Variants in TRABD2B observed in about 807,000 individuals in gnomAD.
TRABD2B encodes TraB domain containing 2B.
In TRABD2B, 14 loss-of-function variants were observed where a neutral mutation model predicts 40.1. That is an observed-to-expected ratio of 0.35 (90% CI 0.23 to 0.55). The LOEUF is 0.55. TRABD2B is among the 20% of genes least tolerant of loss of function. The probability of loss-of-function intolerance (pLI) is 0.90; values close to 1 mark genes in which losing one functional copy is unlikely to be tolerated. For missense variants in TRABD2B, 541 were observed against 648.6 expected (o/e 0.83, Z 1.80); for synonymous variants, 263 against 277.0 (o/e 0.95, Z 0.50).
At chr1:47,988,548 C>G (rs911100755) in intron 2 of TRABD2B, among the ~76,000 whole-genome samples, 1 of 152,122 alleles carries the variant, frequency 6.6e-6, no homozygotes, top group Non-Finnish European at 1.5e-5. Context: ...CAGGCTGGGG[C>G]TCTCCTGTCT....
At chr1:47,894,564 G>A (rs1644491950) in intron 2 of TRABD2B, among the ~76,000 whole-genome samples, 1 of 152,176 alleles carries the variant, frequency 6.6e-6, no homozygotes, top group Non-Finnish European at 1.5e-5. Flanking sequence ...AATGGGACCA[G>A]GGTGTGCTAT....
At chr1:47,924,941 GCAGCGCTTGGCT>G (rs1434231315) in intron 2 of TRABD2B, among the ~76,000 whole-genome samples, 6 of 152,198 alleles carry the variant, frequency 3.9e-5, no homozygotes, top group African/African-American at 1.4e-4. Flanking sequence ...GCAACCAGAG[GCAGCGCTTGGCT>G]CAGTGTGGGG....
chr1:47,830,113 C>T lies in TRABD2B; in HGVS notation c.667-28494G>A, dbSNP rs550274186. ...GTCAGAAGTGCTCCTGTGCTCTTGA[C>T]TCTCCATCTGCTCTTCTGGGGTCTT... is the stretch of plus-strand genomic sequence containing the variant. On this transcript the variant is annotated intron_variant, in intron 2 of 6. Coordinates refer to ENST00000606738, the MANE Select transcript of TRABD2B (RefSeq NM_001194986.2). 3.3e-5 allele frequency among the ~76,000 whole-genome samples: 5 copies of T among 152,306 alleles called. No homozygotes were observed. In the East Asian group the frequency reaches 9.7e-4, roughly 29 times the overall value.
intron 2 of TRABD2B, among the ~76,000 whole-genome samples, chr1:47,955,902 C>T (rs2148394093): frequency 6.6e-6 from 1 of 152,304 alleles, no homozygotes; most frequent in African/African-American, 2.4e-5. Flanking sequence ...CTGCAAGGAA[C>T]TCTAAGCAGC....
intron 2 of TRABD2B, among the ~76,000 whole-genome samples, chr1:47,935,299 A>G (rs1226879796): frequency 1.3e-5 from 2 of 152,336 alleles, no homozygotes; most frequent in Non-Finnish European, 1.5e-5. Context: ...GGAGTTGCTT[A>G]AGGTCAAACA....
chr1:47,845,445 C>T (rs1645456260), intron 2 of TRABD2B, among the ~76,000 whole-genome samples: 1 of 152,184 alleles, frequency 6.6e-6, no homozygotes, highest in Admixed American at 6.5e-5. Flanking sequence ...TCAAAACAAT[C>T]TATGCTACAG....
chr1:47,792,333 C>T lies in TRABD2B; in HGVS notation c.988+2253G>A, dbSNP rs140099888. Reference sequence around the variant, plus strand: ...AGCCTATTACATGCTACCAAAGACACAGCGATGATTAAGTGGTGCCCCACC... The same window carrying T: ...AGCCTATTACATGCTACCAAAGACATAGCGATGATTAAGTGGTGCCCCACC... On this transcript the variant is annotated intron_variant, in intron 4 of 6. Coordinates refer to ENST00000606738, the MANE Select transcript of TRABD2B (RefSeq NM_001194986.2). Among the ~76,000 whole-genome samples the T allele has an allele frequency of 1.2e-4, 18 of 152,346 alleles. No individual in the cohort carries two copies. In the East Asian group the frequency reaches 3.5e-3, roughly 29 times the overall value.
At chr1:47,822,911 G>A (rs1195093434) in intron 2 of TRABD2B, among the ~76,000 whole-genome samples, 1 of 152,238 alleles carries the variant, frequency 6.6e-6, no homozygotes, top group Non-Finnish European at 1.5e-5. Context: ...TCCAGAGAGA[G>A]TGCCACCTGG....
At chr1:47,966,904 CAAATAAAATAAAATA>C (rs59311312) in intron 2 of TRABD2B, among the ~76,000 whole-genome samples, 34 of 128,780 alleles carry the variant, frequency 2.6e-4, no homozygotes, top group African/African-American at 8.9e-4. Context: ...GACTCTGTCT[CAAATAAAATAAAATA>C]AAATAAAATA....
chr1:47,831,790 G>T lies in TRABD2B; in HGVS notation c.667-30171C>A, dbSNP rs1425657288. ...TTCCCACCCACAGCTACTGCAGGAC[G>T]ACTGGCACACGGAGCACCTGGCTCT... On this transcript the variant is annotated intron_variant, in intron 2 of 6. Transcript: ENST00000606738. 3.3e-5 allele frequency among the ~76,000 whole-genome samples: 5 copies of T among 152,148 alleles called. No homozygotes were observed. The South Asian group carries it at 1.0e-3, about 32-fold the overall frequency.
chr1:47,983,947 A>C (rs1289610417), intron 2 of TRABD2B, among the ~76,000 whole-genome samples: 3 of 152,182 alleles, frequency 2.0e-5, no homozygotes, highest in Admixed American at 6.5e-5. Flanking sequence ...AGCTCAAGAA[A>C]GGGAAACCGT....
chr1:47,928,062 G>T (rs1644993172), intron 2 of TRABD2B, among the ~76,000 whole-genome samples: 1 of 152,180 alleles, frequency 6.6e-6, no homozygotes, highest in Non-Finnish European at 1.5e-5. Context: ...ATCCTCAAGT[G>T]ATCCGTGGGC....
At chr1:47,799,036 AAGTACGGG>A (rs142348003) in intron 3 of TRABD2B, among the ~76,000 whole-genome samples, 3,980 of 152,268 alleles carry the variant, frequency 0.026, 184 homozygotes, top group African/African-American at 0.09. Flanking sequence ...GTCCCACTTC[AAGTACGGG>A]AACTGTTGGG....
At chr1:47,817,576 C>T (rs926832451) in intron 2 of TRABD2B, among the ~76,000 whole-genome samples, 5 of 152,140 alleles carry the variant, frequency 3.3e-5, no homozygotes, top group Admixed American at 1.3e-4. Flanking sequence ...TCTCGGGGCA[C>T]GGATGTCGGC....
At chr1:47,832,982 C>T (rs917474469) in intron 2 of TRABD2B, among the ~76,000 whole-genome samples, 8 of 152,148 alleles carry the variant, frequency 5.3e-5, no homozygotes, top group Non-Finnish European at 7.3e-5. Flanking sequence ...TAATAAGATC[C>T]TCCTGTTTAT....
intron 2 of TRABD2B, among the ~76,000 whole-genome samples, chr1:47,862,465 T>C (rs1643987580): frequency 6.6e-6 from 1 of 152,156 alleles, no homozygotes; most frequent in South Asian, 2.1e-4. Context: ...ACAAGATGAA[T>C]GTGAAATTAA....
chr1:47,860,423 T>C (rs1395094727), intron 2 of TRABD2B, among the ~76,000 whole-genome samples: 4 of 152,148 alleles, frequency 2.6e-5, no homozygotes. Context: ...TCTTAATGAG[T>C]GTCTCCTGGC....
At chr1:47,965,230 G>A in intron 2 of TRABD2B, among the ~76,000 whole-genome samples, 1 of 100,032 alleles carries the variant, frequency 1.0e-5, no homozygotes, top group African/African-American at 3.8e-5. Context: ...GGGTGGGGGG[G>A]GTGGATGGGG....
chr1:47,892,424 C>A (rs570710239), intron 2 of TRABD2B, among the ~76,000 whole-genome samples: 2 of 152,166 alleles, frequency 1.3e-5, no homozygotes, highest in Non-Finnish European at 2.9e-5. Context: ...TGTGTATTTG[C>A]CACCCAAGTG....
Sources: allele counts gnomAD v4.1 joint callset (sites outside exome capture counted in the v4.1 genomes callset), GRCh38; gene constraint gnomAD v4.1.1; transcripts MANE v1.5; gene names NCBI Gene and HGNC (gene_info 2026-07-23, HGNC 2026-07-21).